Variants in FILIP1 observed in about 807,000 individuals in gnomAD.
FILIP1 encodes filamin-A-interacting protein 1.
A neutral mutation model predicts 102.1 loss-of-function variants in FILIP1; 61 were observed. The observed-to-expected ratio is 0.60, with a 90% CI of 0.49 to 0.74. The LOEUF is 0.74. FILIP1 is among the 30% of genes least tolerant of loss of function. The pLI is 0.00. For missense variants in FILIP1, 1,314 were observed against 1,441.2 expected (o/e 0.91, Z 1.43); for synonymous variants, 491 against 526.9 (o/e 0.93, Z 0.93).
downstream of FILIP1, among the ~76,000 whole-genome samples, chr6:75,305,523 T>C (rs1029008703): frequency 6.6e-6 from 1 of 152,074 alleles, no homozygotes; most frequent in East Asian, 1.9e-4. Flanking sequence ...CATCAACCAG[T>C]CCTCACTGGA....
intron 3 of FILIP1, among the ~76,000 whole-genome samples, chr6:75,360,299 G>A (rs1284653555): frequency 2.6e-5 from 4 of 152,158 alleles, no homozygotes; most frequent in Admixed American, 1.3e-4. Flanking sequence ...TAGTGCTAGA[G>A]ACTCTCTTGT....
rs183706160 is a variant in FILIP1 at position 75,451,848 on chromosome 6, A to T, written c.-6-36870T>A. 4.5e-3 allele frequency among the ~76,000 whole-genome samples: 687 copies of T among 152,288 alleles called. 5 individuals are homozygous for T. Among genetic ancestry groups the T allele is most frequent in the African/African-American group, 0.016 (648 of 41,544 alleles). Reference sequence around the variant, plus strand: ...GACTCCATCTCAAAAAAAATTTAAAAAAAAGAAATTACAAAACTAAATGCT... The same window carrying T: ...GACTCCATCTCAAAAAAAATTTAAATAAAAGAAATTACAAAACTAAATGCT... On this transcript the variant is annotated intron_variant, in intron 1 of 5. Coordinates refer to ENST00000237172, the MANE Select transcript of FILIP1 (RefSeq NM_015687.5).
At chr6:75,413,141 T>C (rs780754899) in intron 2 of FILIP1, among the ~76,000 whole-genome samples, 2 of 152,160 alleles carry the variant, frequency 1.3e-5, no homozygotes, top group Non-Finnish European at 2.9e-5. Flanking sequence ...CATGATGTAA[T>C]AGCATTACGC....
chr6:75,433,182 G>T (rs973037665), intron 1 of FILIP1, among the ~76,000 whole-genome samples: 2 of 152,050 alleles, frequency 1.3e-5, no homozygotes, highest in African/African-American at 4.8e-5. Context: ...TAATCCTTTG[G>T]GTATATACCC....
At chr6:75,433,454 T>A (rs1474744693) in intron 1 of FILIP1, among the ~76,000 whole-genome samples, 1 of 152,264 alleles carries the variant, frequency 6.6e-6, no homozygotes, top group Non-Finnish European at 1.5e-5. Flanking sequence ...TTCATGTGTC[T>A]TTTGGCTGCA....
chr6:75,388,109 C>T (rs963050275), intron 2 of FILIP1, among the ~76,000 whole-genome samples: 5 of 151,988 alleles, frequency 3.3e-5, no homozygotes, highest in East Asian at 1.9e-4. Flanking sequence ...ATGGCTAGCC[C>T]GTTTTCCCAA....
intron 2 of FILIP1, among the ~76,000 whole-genome samples, chr6:75,378,336 T>C (rs1775807236): frequency 1.3e-5 from 2 of 152,150 alleles, no homozygotes; most frequent in Admixed American, 6.5e-5. Context: ...ATGTGAAACA[T>C]GTGGCACTAA....
chr6:75,420,142 T>C (rs899179644), intron 1 of FILIP1, among the ~76,000 whole-genome samples: 2 of 152,130 alleles, frequency 1.3e-5, no homozygotes, highest in Non-Finnish European at 2.9e-5. Flanking sequence ...GCAGTGATGT[T>C]GTCATGAAAA....
chr6:75,416,342 T>C (rs1398082163), intron 1 of FILIP1, among the ~76,000 whole-genome samples: 1 of 152,178 alleles, frequency 6.6e-6, no homozygotes, highest in Non-Finnish European at 1.5e-5. Context: ...TTTATGTGTG[T>C]GTGAACTTTC....
intron 4 of FILIP1, among the ~76,000 whole-genome samples, chr6:75,321,972 G>C (rs1773680374): frequency 6.6e-6 from 1 of 152,132 alleles, no homozygotes; most frequent in African/African-American, 2.4e-5. Flanking sequence ...AACAGATACA[G>C]AGAAAGAGGG....
chr6:75,371,981 T>C (rs1455768181), intron 2 of FILIP1, among the ~76,000 whole-genome samples: 1 of 152,090 alleles, frequency 6.6e-6, no homozygotes, highest in Non-Finnish European at 1.5e-5. Flanking sequence ...ATTTAAAAAC[T>C]TCCTTGCATC....
chr6:75,476,299 A>G (rs986491719), intron 1 of FILIP1, among the ~76,000 whole-genome samples: 1 of 151,202 alleles, frequency 6.6e-6, no homozygotes, highest in Non-Finnish European at 1.5e-5. Flanking sequence ...CAGCTTAGAG[A>G]TTGGGTCTTA....
exon 7 of FILIP1, chr6:75,295,906 C>G: frequency 3.4e-6 from 5 of 1,452,820 alleles, no homozygotes; most frequent in Non-Finnish European, 4.5e-6. Context: ...CTTGGTTTAC[C>G]ATTTCATCTG....
intron 4 of FILIP1, among the ~76,000 whole-genome samples, chr6:75,335,464 TTTC>T (rs1774210690): frequency 6.6e-6 from 1 of 151,516 alleles, no homozygotes; most frequent in Non-Finnish European, 1.5e-5. Context: ...TTCTCTGTTT[TTTC>T]TTTTCTTTTT....
chr6:75,457,481 T>G (rs1055487787), intron 1 of FILIP1, among the ~76,000 whole-genome samples: 1 of 152,200 alleles, frequency 6.6e-6, no homozygotes, highest in Admixed American at 6.5e-5. Flanking sequence ...TCAAAATCCC[T>G]AGGCACTGAA....
chr6:75,319,509 T>C, intron 4 of FILIP1: 2 of 584,036 alleles, frequency 3.4e-6, no homozygotes, highest in Non-Finnish European at 6.7e-6. Flanking sequence ...TCAGCAGACA[T>C]GGTCTTCTAC....
intron 1 of FILIP1, among the ~76,000 whole-genome samples, chr6:75,464,772 C>T (rs948490127): frequency 1.3e-5 from 2 of 152,198 alleles, no homozygotes; most frequent in African/African-American, 4.8e-5. Context: ...CAAAACTCAA[C>T]TTCTGGTCTT....
At chr6:75,367,798 G>A (rs1775388725) in intron 2 of FILIP1, 1 of 151,928 alleles carries the variant, frequency 6.6e-6, no homozygotes, top group African/African-American at 2.4e-5. Flanking sequence ...CTATATTTTG[G>A]GGATAAAACA....
At chr6:75,465,512 T>C in intron 1 of FILIP1, 3 of 818,898 alleles carry the variant, frequency 3.7e-6, no homozygotes, top group Non-Finnish European at 5.9e-6. Flanking sequence ...CAGTGCCTAA[T>C]AATGTCTAAA....
Sources: allele counts gnomAD v4.1 joint callset (sites outside exome capture counted in the v4.1 genomes callset), GRCh38; gene constraint gnomAD v4.1.1; transcripts MANE v1.5; gene names NCBI Gene and HGNC (gene_info 2026-07-23, HGNC 2026-07-21).